The following ILRUN variants were observed in gnomAD, a reference collection of about 807,000 sequenced individuals.
The protein encoded by ILRUN is inflammation and lipid regulator with UBA-like and NBR1-like domains.
Under a neutral mutation model 33.8 loss-of-function variants are expected in ILRUN, and 3 were observed. The observed-to-expected ratio is 0.09, with a 90% CI of 0.04 to 0.23. The LOEUF (loss-of-function observed/expected upper bound fraction) is 0.23, where lower values mean the gene tolerates loss of function less well. Ranked by LOEUF, ILRUN falls within the 10% of genes least tolerant of loss-of-function variation. ILRUN has a pLI of 1.00. For missense variants in ILRUN, 210 were observed against 375.1 expected (o/e 0.56, Z 3.64); for synonymous variants, 124 against 138.9 (o/e 0.89, Z 0.75).
intron 1 of ILRUN, chr6:34,685,285 G>C (rs1291124551): frequency 3.3e-5 from 5 of 152,078 alleles, no homozygotes; most frequent in Admixed American, 6.6e-5. Flanking sequence ...AAACTGGCTG[G>C]AGTAAGGAAA....
At chr6:34,642,825 CAAAAAAA>C (rs57866309) in intron 3 of ILRUN, among the ~76,000 whole-genome samples, 25 of 42,992 alleles carry the variant, frequency 5.8e-4, no homozygotes, top group Non-Finnish European at 6.6e-4. Context: ...CCGTCTCTAC[CAAAAAAA>C]AAAAAAAAAA....
At chr6:34,640,372 T>C (rs1762445216) in intron 3 of ILRUN, among the ~76,000 whole-genome samples, 1 of 152,130 alleles carries the variant, frequency 6.6e-6, no homozygotes, top group East Asian at 1.9e-4. Flanking sequence ...CAAAAATTCT[T>C]TCTAAGAGGA....
At chr6:34,656,219 G>C (rs907364730) in intron 1 of ILRUN, among the ~76,000 whole-genome samples, 1 of 140,714 alleles carries the variant, frequency 7.1e-6, no homozygotes, top group African/African-American at 2.7e-5. Flanking sequence ...CCAGGCAACA[G>C]TGCCAGACTC....
intron 3 of ILRUN, among the ~76,000 whole-genome samples, chr6:34,613,216 AAACAACAACAAC>A (rs35446561): frequency 1.4e-4 from 21 of 150,272 alleles, no homozygotes; most frequent in African/African-American, 3.7e-4. Context: ...CCTGTCTCAA[AAACAACAACAAC>A]AACAACAACA....
At chr6:34,679,604 T>C (rs1053697405) in intron 1 of ILRUN, among the ~76,000 whole-genome samples, 2 of 152,208 alleles carry the variant, frequency 1.3e-5, no homozygotes, top group African/African-American at 2.4e-5. Context: ...AATGGTTATA[T>C]CATTCAGTGA....
intron 3 of ILRUN, among the ~76,000 whole-genome samples, chr6:34,630,540 T>C (rs1224994189): frequency 1.3e-5 from 2 of 152,116 alleles, no homozygotes; most frequent in African/African-American, 4.8e-5. Context: ...CGTACCACCA[T>C]ACCCAGCTAA....
At chr6:34,624,241 G>A (rs528801642) in intron 3 of ILRUN, among the ~76,000 whole-genome samples, 1 of 152,300 alleles carries the variant, frequency 6.6e-6, no homozygotes, top group South Asian at 2.1e-4. Context: ...ATAAGATATT[G>A]AAGAAATACT....
intron 3 of ILRUN, among the ~76,000 whole-genome samples, chr6:34,612,397 A>G (rs1761775047): frequency 6.6e-6 from 1 of 152,186 alleles, no homozygotes; most frequent in Non-Finnish European, 1.5e-5. Flanking sequence ...CCTGGGCAAC[A>G]GTGAGACCCT....
At chr6:34,643,524 T>A (rs1762512936) in intron 3 of ILRUN, among the ~76,000 whole-genome samples, 1 of 152,272 alleles carries the variant, frequency 6.6e-6, no homozygotes. Flanking sequence ...CTTAAAAATC[T>A]TTAATGGACA....
intron 3 of ILRUN, among the ~76,000 whole-genome samples, chr6:34,613,988 T>C (rs1761813625): frequency 1.3e-5 from 2 of 152,014 alleles, no homozygotes; most frequent in African/African-American, 2.4e-5. Context: ...AAGAAAGTGG[T>C]CAAAGAACAA....
intron 1 of ILRUN, among the ~76,000 whole-genome samples, chr6:34,688,990 G>T (rs984127258): frequency 1.3e-5 from 2 of 150,526 alleles, no homozygotes; most frequent in African/African-American, 4.9e-5. Flanking sequence ...TCCAGAATAG[G>T]TACATACATA....
At chr6:34,614,286 G>C (rs1761821747) in intron 3 of ILRUN, among the ~76,000 whole-genome samples, 1 of 151,640 alleles carries the variant, frequency 6.6e-6, no homozygotes, top group Admixed American at 6.6e-5. Context: ...GCCGGGCATG[G>C]TGGCGGGCAC....
rs931901027 is a variant in ILRUN, at chr6:34,592,767, C to T, written c.862-2167G>A. ...GCCCTGACTCAGCAGTTCCCAACAACAATCATTCATCTAGAACTACCCAAG... is the reference window on the plus strand; with the variant it reads ...GCCCTGACTCAGCAGTTCCCAACAATAATCATTCATCTAGAACTACCCAAG... On this transcript the variant is annotated intron_variant, in intron 4 of 4. Transcript: ENST00000374023. The surrounding 1 kb of genome is among the most constrained non-coding windows in gnomAD (Gnocchi z 4.0). Among the ~76,000 whole-genome samples, 2 of 152,060 alleles carry T rather than the reference C, an allele frequency of 1.3e-5. No homozygotes were observed. Among genetic ancestry groups the T allele is most frequent in the Non-Finnish European group, 2.9e-5 (2 of 68,022 alleles).
chr6:34,650,698 G>A (rs980291766), intron 2 of ILRUN, among the ~76,000 whole-genome samples: 18 of 151,952 alleles, frequency 1.2e-4, no homozygotes, highest in Admixed American at 7.9e-4. Context: ...TGATCTGCCC[G>A]CCTCAGCCTC....
rs1202214070 is a variant in ILRUN at position 34,683,473 on chromosome 6, CACATAT to C, written c.158+12967_158+12972del. On this transcript the variant is annotated intron_variant, in intron 1 of 4. Coordinates refer to ENST00000374023, the MANE Select transcript of ILRUN (RefSeq NM_024294.4). ...ATATACATATATATACATATATATACACATATATATATACATATATATATACATATA... is the reference window on the plus strand; with the variant it reads ...ATATACATATATATACATATATATACATATATACATATATATATACATATA... 5.3e-3 allele frequency among the ~76,000 whole-genome samples: 522 copies of C among 97,818 alleles called. 22 individuals carry two copies. Among genetic ancestry groups the C allele is most frequent in the African/African-American group, 0.025 (489 of 19,684 alleles). The allele number at this position is 97,818 out of a possible 152,430, so 64.2% of individuals were successfully genotyped here. A position where few individuals can be genotyped will look rare whatever the true frequency, so the allele number is the denominator to read the frequency against.
intron 3 of ILRUN, among the ~76,000 whole-genome samples, chr6:34,627,461 G>A (rs1259896762): frequency 6.6e-6 from 1 of 152,160 alleles, no homozygotes; most frequent in Non-Finnish European, 1.5e-5. Context: ...GAATGTGGCT[G>A]TACCATTTTG....
chr6:34,669,222 C>T (rs1582095134), intron 1 of ILRUN, among the ~76,000 whole-genome samples: 1 of 151,244 alleles, frequency 6.6e-6, no homozygotes, highest in Non-Finnish European at 1.5e-5. Flanking sequence ...TTCCTGGGCT[C>T]GAGTGATCCT....
rs1762892492 is a variant in ILRUN at position 34,661,877 on chromosome 6, G to C, written c.159-7098C>G. Among the ~76,000 whole-genome samples the C allele has an allele frequency of 2.0e-5, 3 of 152,078 alleles. No homozygotes were observed. The South Asian group carries it at 6.2e-4, about 32-fold the overall frequency. ...GCGGTGGCTCACGCCTGTAATCCCA[G>C]CACTTTGGGAGGCCCAGGTGGGCAG... On this transcript the variant is annotated intron_variant, in intron 1 of 4. Transcript: ENST00000374023.
At chr6:34,626,416 G>C (rs1298754024) in intron 3 of ILRUN, among the ~76,000 whole-genome samples, 1 of 151,658 alleles carries the variant, frequency 6.6e-6, no homozygotes, top group Non-Finnish European at 1.5e-5. Context: ...GCCTCAAGCA[G>C]TCCTCCTGCC....
Sources: gnomAD v4.1 joint callset for allele counts (sites outside exome capture counted in the v4.1 genomes callset) on GRCh38, gnomAD v4.1.1 for gene constraint, Gnocchi (gnomAD v3.1) non-coding constraint, MANE v1.5 for transcripts, NCBI Gene and HGNC (gene_info 2026-07-23, HGNC 2026-07-21) for gene names.